The following MRPL2 variants were observed in gnomAD, a reference collection of about 807,000 sequenced individuals.
MRPL2 encodes the protein mitochondrial ribosomal protein L2.
Under a neutral mutation model 34.6 loss-of-function variants are expected in MRPL2, and 27 were observed. The observed-to-expected ratio is 0.78, with a 90% CI of 0.58 to 1.08. The LOEUF is 1.08. Among genes scored for constraint, MRPL2 ranks in the 50% least tolerant of loss-of-function variants. The pLI is 0.00. For synonymous variants in MRPL2, 155 were observed against 158.0 expected (o/e 0.98, Z 0.14); for missense variants, 414 against 419.3 (o/e 0.99, Z 0.11).
At position 43,058,230 on chromosome 6, in the gene MRPL2, T is replaced by C; in HGVS notation, c.100A>G (p.Met34Val). 6.2e-7 allele frequency: 1 copy of C among 1,613,844 alleles called. No homozygotes were observed. The highest frequency in any genetic ancestry group is 8.5e-7 in the Non-Finnish European group (1 of 1,179,856). The change falls in exon 2 of 7, where the codon ATG becomes GTG. Residue 34 changes from methionine (M) to valine (V), a missense_variant. Physicochemically the swap from Met to Val is conservative, Grantham distance 21. Coordinates refer to ENST00000388752, the MANE Select transcript of MRPL2 (RefSeq NM_015950.5). ...APSLFPAAQMMNNGLLQQPSA... is the reference protein window; with the variant it reads ...APSLFPAAQMVNNGLLQQPSA... ...GGCTGTTGGAGGAGGCCATTGTTCA[T>C]CATCTAGGGATAAAAAGACATCTCT...
At chr6:43,057,228 TG>T (rs1218278197) in intron 2 of MRPL2, among the ~76,000 whole-genome samples, 2 of 152,030 alleles carry the variant, frequency 1.3e-5, no homozygotes, top group Admixed American at 1.3e-4. Context: ...TCACCTGGGC[TG>T]GAATACAATG....
chr6:43,059,771 C>T (rs1297289282), upstream of MRPL2: 5 of 1,199,430 alleles, frequency 4.2e-6, no homozygotes, highest in Admixed American at 1.3e-4. Flanking sequence ...GAACAAACCC[C>T]CTCCAACCAA....
At position 43,054,280 on chromosome 6, in the gene MRPL2, T is replaced by TTGGGCAGA. The variant is rs1466521316; in HGVS notation, c.904_911dup (p.Gln304HisfsTer11). 6.3e-7 allele frequency: 1 copy of TTGGGCAGA among 1,598,892 alleles called. No homozygotes were observed. Among genetic ancestry groups the TTGGGCAGA allele is most frequent in the Admixed American group, 1.7e-5 (1 of 58,942 alleles). On this transcript the variant is annotated frameshift_variant, in exon 7 of 7. Coordinates refer to ENST00000388752, the MANE Select transcript of MRPL2 (RefSeq NM_015950.5). LOFTEE classifies it high-confidence loss of function. ...TTATTAGAGTACAGGGATATCAGCT[T>TTGGGCAGA]TGGGCAGAAGCAGAAGGCAGCTTCA...
Position 43,058,054 on chromosome 6 carries a change from C to T in MRPL2, c.265+11G>A, listed in dbSNP as rs1188442103. The T allele has an allele frequency of 1.2e-6, 2 of 1,613,434 alleles. No homozygotes were observed. The highest frequency in any genetic ancestry group is 2.7e-5 in the African/African-American group (2 of 74,912). ...TTTTGACTGCTTAAATCCCCCTGTC[C>T]TTGTTCCCACCTGTGTGGTCTCGGC... On this transcript the variant is annotated intron_variant, in intron 2 of 6. Coordinates refer to ENST00000388752, the MANE Select transcript of MRPL2 (RefSeq NM_015950.5).
At position 43,059,096 on chromosome 6, in the gene MRPL2, G is replaced by C. The variant is rs1341200712; in HGVS notation, c.96+190C>G. 4 of 1,515,756 alleles carry C rather than the reference G, an allele frequency of 2.6e-6. No individual in the cohort carries two copies. The African/African-American group carries it at 4.1e-5, about 16-fold the overall frequency. The allele number at this position is 1,515,756 out of a possible 1,614,324, so 93.9% of individuals were successfully genotyped here. A position where few individuals can be genotyped will look rare whatever the true frequency, so the allele number is the denominator to read the frequency against. On this transcript the variant is annotated intron_variant, in intron 1 of 6. Coordinates refer to ENST00000388752, the MANE Select transcript of MRPL2 (RefSeq NM_015950.5). ...AAAGCACTTTCACCTTAAGTATCTC[G>C]TCTGAAGAATTTCGCCCTATGAGAA...
At chr6:43,059,258 A>C in intron 1 of MRPL2, 28 bp downstream of exon 1, 1 of 1,551,236 alleles carries the variant, frequency 6.4e-7, no homozygotes, top group African/African-American at 1.4e-5. Flanking sequence ...GAATGGAAGC[A>C]GCCTTCTTCC....
upstream of MRPL2, chr6:43,059,457 G>A: frequency 2.0e-6 from 3 of 1,467,354 alleles, no homozygotes; most frequent in East Asian, 2.5e-5. Context: ...CCGTCGCTCC[G>A]CAATAACGTA....
chr6:43,059,239 C>T (rs1156734355), intron 1 of MRPL2, 47 bp downstream of exon 1: 3 of 1,550,998 alleles, frequency 1.9e-6, no homozygotes, highest in African/African-American at 1.4e-5. Flanking sequence ...ACCCCATCTC[C>T]GGCAGCCCGA....
At chr6:43,056,557 G>C (rs1764886672) in intron 2 of MRPL2, 112 bp from the exon 3 acceptor site, 2 of 1,337,780 alleles carry the variant, frequency 1.5e-6, no homozygotes, top group Non-Finnish European at 1.0e-6. Context: ...TGTGGCACAA[G>C]CAGAAATGAT....
chr6:43,058,824 A>C (rs1030619562), intron 1 of MRPL2, among the ~76,000 whole-genome samples: 2 of 152,226 alleles, frequency 1.3e-5, no homozygotes, highest in Non-Finnish European at 2.9e-5. Flanking sequence ...TATCAGCAGT[A>C]ACTCATCCTT....
upstream of MRPL2, chr6:43,059,841 G>A (rs1481117176): frequency 1.7e-6 from 2 of 1,163,768 alleles, no homozygotes; most frequent in East Asian, 5.1e-5. Flanking sequence ...GCCCCTCGGC[G>A]TCCAGACAGA....
At position 43,059,394 on chromosome 6, in the gene MRPL2, C is replaced by G. The variant is rs1274306730; in HGVS notation, c.-13G>C. 1 of 1,535,078 alleles carries G rather than the reference C, an allele frequency of 6.5e-7. No homozygotes were observed. The highest frequency in any genetic ancestry group is 2.0e-5 in the Admixed American group (1 of 49,678). ...CGCACAGGGCCATCAGCACGACACCCTTACTTTTAGCCAAGCTGCTCGGTG... is the reference window on the plus strand; with the variant it reads ...CGCACAGGGCCATCAGCACGACACCGTTACTTTTAGCCAAGCTGCTCGGTG... On this transcript the variant is annotated 5_prime_UTR_variant, in exon 1 of 7. Coordinates refer to ENST00000388752, the MANE Select transcript of MRPL2 (RefSeq NM_015950.5).
At chr6:43,056,034 A>T (rs777511166) in intron 4 of MRPL2, 27 bp from the exon 5 acceptor site, 15 of 1,614,054 alleles carry the variant, frequency 9.3e-6, no homozygotes, top group Non-Finnish European at 7.6e-6. Context: ...CATTAGCTCT[A>T]GAACTTTTGC....
At position 43,056,141 on chromosome 6, in the gene MRPL2, TG is replaced by T; in HGVS notation, c.459del (p.Thr154GlnfsTer11). ...GTATCTCCAGCCTGCATGTTTTCTG[TG>T]GCGATGATCCAGCGTTTCCGGCTGC... ...AGGSRKRWII[A>X]TENMQAGDTI... On this transcript the variant is annotated frameshift_variant, in exon 4 of 7. Coordinates refer to ENST00000388752, the MANE Select transcript of MRPL2 (RefSeq NM_015950.5). LOFTEE classifies it high-confidence loss of function. 1 of 1,614,206 alleles carries T rather than the reference TG, an allele frequency of 6.2e-7. No individual in the cohort carries two copies. Among genetic ancestry groups the T allele is most frequent in the Non-Finnish European group, 8.5e-7 (1 of 1,180,040 alleles).
upstream of MRPL2, chr6:43,059,594 A>G: frequency 5.8e-6 from 5 of 863,992 alleles, no homozygotes; most frequent in South Asian, 2.0e-5. Flanking sequence ...CCGCCCCCCC[A>G]GACCCGTCAA....
upstream of MRPL2, chr6:43,059,518 C>T (rs1765021910): frequency 7.0e-7 from 1 of 1,433,632 alleles, no homozygotes; most frequent in African/African-American, 1.4e-5. Flanking sequence ...CACCTCCTTT[C>T]CTACCTGAAC....
In MRPL2 at chr6:43,054,300, G is replaced by A; in HGVS notation, c.892C>T (p.Leu298=). The A allele has an allele frequency of 6.2e-7, 1 of 1,609,170 alleles. No homozygotes were observed. The highest frequency in any genetic ancestry group is 8.5e-7 in the Non-Finnish European group (1 of 1,177,878). The change falls in exon 7 of 7, where the codon CTG becomes TTG. Residue 298 remains leucine (L), a synonymous_variant. Coordinates refer to ENST00000388752, the MANE Select transcript of MRPL2 (RefSeq NM_015950.5). ...PLPPMKSYVK[L]PSASAQS ...CAGCTTTGGGCAGAAGCAGAAGGCA[G>A]CTTCACGTAACTCTTCATGGGGGGT...
chr6:43,059,602 C>T (rs1277361785), upstream of MRPL2: 1 of 1,402,680 alleles, frequency 7.1e-7, no homozygotes, highest in Non-Finnish European at 9.2e-7. Flanking sequence ...CCAGACCCGT[C>T]AAAACAATTG....
rs371349964 is a variant in MRPL2 at position 43,054,402 on chromosome 6, G to A, written c.790C>T (p.Arg264Cys). 47 of 1,614,110 alleles carry A rather than the reference G, an allele frequency of 2.9e-5. No homozygotes were observed. The highest frequency in any genetic ancestry group is 3.6e-5 in the Non-Finnish European group (42 of 1,180,048). Residue 264 changes from arginine (R) to cysteine (C), a missense_variant, in exon 7 of 7, where the codon CGC becomes TGC. Physicochemically the swap from Arg to Cys is radical, Grantham distance 180 (BLOSUM62 -3). Coordinates refer to ENST00000388752, the MANE Select transcript of MRPL2 (RefSeq NM_015950.5). ...CTGTTAGGCCTCTTGCCCAGCCAGC[G>A]GTTGCGACCTGCCTTGCCAATGACC... ...KRVIGKAGRN[R>C]WLGKRPNSGR...
Sources: gnomAD v4.1 joint callset for allele counts (sites outside exome capture counted in the v4.1 genomes callset) on GRCh38, gnomAD v4.1.1 for gene constraint, MANE v1.5 for transcripts, NCBI Gene and HGNC (gene_info 2026-07-23, HGNC 2026-07-21) for gene names.